ANO1: variants seen among roughly 807,000 people sequenced by gnomAD.
The protein encoded by ANO1 is anoctamin-1.
ANO1 carries 59 observed loss-of-function variants against 124.0 expected under a neutral mutation model. The ratio of observed to expected loss-of-function variants is 0.48; its 90% CI spans 0.39 to 0.59. The LOEUF is 0.59. Ranked by LOEUF, ANO1 falls within the 20% of genes least tolerant of loss-of-function variation. ANO1 has a pLI of 0.00. For missense variants in ANO1, 1,059 were observed against 1,328.0 expected, an observed-to-expected ratio of 0.80 and a Z score of 3.15; for synonymous variants, 529 against 532.0, an observed-to-expected ratio of 0.99 and a Z score of 0.08.
At chr11:70,157,112 A>T in intron 16 of ANO1, 91 bp downstream of exon 16, 1 of 1,218,792 alleles carries the variant, frequency 8.2e-7, no homozygotes, top group Non-Finnish European at 1.2e-6. Context: ...CACGACTGTA[A>T]TCCCAGCACT....
chr11:70,042,217 T>C (rs782461235), intron 1 of ANO1, among the ~76,000 whole-genome samples: 2 of 152,126 alleles, frequency 1.3e-5, no homozygotes, highest in Non-Finnish European at 2.9e-5. Context: ...TAGGAAGCAG[T>C]GGCTTTGAAA....
At position 70,157,205 on chromosome 11, in the gene ANO1, T is replaced by TA. The variant is rs1188727302; in HGVS notation, c.1578+189dup. 2.0e-5 allele frequency among the ~76,000 whole-genome samples: 3 copies of TA among 151,784 alleles called. No individual in the cohort carries two copies. In the East Asian group the frequency reaches 5.8e-4, roughly 29 times the overall value. On this transcript the variant is annotated intron_variant, in intron 16 of 25. Transcript: ENST00000355303. ...AATATGGTGAAACCCCGTCTCTTAC[T>TA]AAAAATGCAAAAATTAGCTGGTGTG...
At chr11:70,089,070 C>T (rs2044515924) in intron 2 of ANO1, among the ~76,000 whole-genome samples, 1 of 152,318 alleles carries the variant, frequency 6.6e-6, no homozygotes, top group East Asian at 1.9e-4. Context: ...CTGCTGGCTG[C>T]TGTGTGCTCT....
At position 70,104,006 on chromosome 11, in the gene ANO1, A is replaced by G. The variant is rs1014508321; in HGVS notation, c.548A>G (p.His183Arg). Residue 183 changes from histidine to arginine, a missense_variant, in exon 4 of 26, where the codon CAC becomes CGC. His to Arg is a conservative substitution (Grantham distance 29). This residue lies in a region of ANO1 where 809 missense variants were observed against 1,094.9 expected (regional missense o/e 0.74). Coordinates refer to ENST00000355303, the MANE Select transcript of ANO1 (RefSeq NM_018043.7). ...KLKMPTKKMY[H>R]INETRGLLKK... ...CCCTTGTCTTATCTGCAGATGTACC[A>G]CATTAATGAGACCCGTGGCCTCCTG... 6.2e-7 allele frequency: 1 copy of G among 1,611,950 alleles called. No homozygotes were observed. Among genetic ancestry groups the G allele is most frequent in the Non-Finnish European group, 8.5e-7 (1 of 1,179,144 alleles).
At chr11:70,051,320 A>AGAGTAT (rs1477935012) in intron 1 of ANO1, among the ~76,000 whole-genome samples, 5 of 152,190 alleles carry the variant, frequency 3.3e-5, no homozygotes, top group Admixed American at 6.5e-5. Context: ...TTGTTGTTCT[A>AGAGTAT]GAGTATTCTG....
intron 20 of ANO1, among the ~76,000 whole-genome samples, chr11:70,166,715 C>T (rs750266108): frequency 7.2e-4 from 110 of 152,186 alleles, no homozygotes; most frequent in Non-Finnish European, 1.4e-3. Flanking sequence ...GTTTGCCCTC[C>T]CTGCACCTCC....
At chr11:70,052,539 T>C in intron 1 of ANO1, among the ~76,000 whole-genome samples, 2 of 63,686 alleles carry the variant, frequency 3.1e-5, no homozygotes, top group African/African-American at 1.4e-4. Context: ...TTCTTTTTTT[T>C]TTTTTTTTTT....
intron 22 of ANO1, among the ~76,000 whole-genome samples, chr11:70,178,990 G>A (rs373456989): frequency 7.9e-5 from 12 of 152,218 alleles, no homozygotes; most frequent in African/African-American, 2.4e-4. Context: ...TTTCTAGCTC[G>A]GGGCCACACA....
intron 1 of ANO1, among the ~76,000 whole-genome samples, chr11:70,014,178 A>G (rs1160160665): frequency 1.3e-5 from 2 of 151,858 alleles, no homozygotes. Flanking sequence ...GGGGGGAAGC[A>G]CAATTCACTC....
intron 24 of ANO1, among the ~76,000 whole-genome samples, chr11:70,183,513 T>C (rs1193656706): frequency 6.6e-6 from 1 of 151,786 alleles, no homozygotes; most frequent in African/African-American, 2.4e-5. Flanking sequence ...TCACAGAGAA[T>C]GGGGGGGTCC....
chr11:70,134,039 G>A (rs978782458), intron 11 of ANO1, among the ~76,000 whole-genome samples: 6 of 152,158 alleles, frequency 3.9e-5, no homozygotes, highest in African/African-American at 1.4e-4. Context: ...CTTTGTGGAC[G>A]GCCACCTCCC....
At chr11:69,968,597 G>A in the ANO1 span, among the ~76,000 whole-genome samples, 1 of 152,210 alleles carries the variant, frequency 6.6e-6, no homozygotes, top group Non-Finnish European at 1.5e-5. Flanking sequence ...ATTGTTCGAG[G>A]ACCCGTTTCT....
chr11:70,155,648 C>T (rs547601631), intron 14 of ANO1, among the ~76,000 whole-genome samples: 8 of 152,232 alleles, frequency 5.3e-5, no homozygotes, highest in Admixed American at 4.6e-4. Flanking sequence ...TGGGGCATGA[C>T]GCGGTCCAGT....
rs1565193330 is a variant in ANO1, at chr11:70,095,303, A to AAGGAAGGAAGGAAGGAAG, written c.441+7219_441+7220insAGGAAGGAAGGAAGGAAG. Among the ~76,000 whole-genome samples the AAGGAAGGAAGGAAGGAAG allele has an allele frequency of 1.9e-4, 7 of 36,766 alleles. 1 individual carries two copies. The highest frequency in any genetic ancestry group is 8.9e-4 in the South Asian group (1 of 1,122). The allele number at this position is 36,766 out of a possible 152,430, so 24.1% of individuals were successfully genotyped here. On this transcript the variant is annotated intron_variant, in intron 2 of 25. Transcript: ENST00000355303. ...AGGAAGGAAGGAAGGAAGGAAGGAA[A>AAGGAAGGAAGGAAGGAAG]GAAAGAAAGAAAGAAAGGAAAGAAA...
chr11:70,100,078 C>G (rs1206622823), intron 2 of ANO1, among the ~76,000 whole-genome samples: 1 of 152,188 alleles, frequency 6.6e-6, no homozygotes, highest in East Asian at 1.9e-4. Context: ...CGCACATTCT[C>G]CAGTCACCGT....
intron 1 of ANO1, among the ~76,000 whole-genome samples, chr11:70,084,032 G>A (rs758547318): frequency 1.3e-5 from 2 of 152,170 alleles, no homozygotes; most frequent in Non-Finnish European, 2.9e-5. Context: ...GGGACACAGT[G>A]TCTGCAAAGG....
At chr11:70,161,807 TG>T in intron 18 of ANO1, 74 bp downstream of exon 18, 1 of 1,443,604 alleles carries the variant, frequency 6.9e-7, no homozygotes, top group Non-Finnish European at 9.7e-7. Flanking sequence ...CCCCACAGGT[TG>T]GGGGCACCTG....
chr11:70,106,979 A>G (rs541089827), intron 5 of ANO1, among the ~76,000 whole-genome samples: 1 of 152,258 alleles, frequency 6.6e-6, no homozygotes, highest in East Asian at 1.9e-4. Flanking sequence ...ATGTGGTGAG[A>G]TCCGTTCCAG....
chr11:70,027,235 G>C (rs1230760274), intron 1 of ANO1, among the ~76,000 whole-genome samples: 1 of 152,130 alleles, frequency 6.6e-6, no homozygotes, highest in Non-Finnish European at 1.5e-5. Context: ...AAAATGCATT[G>C]AGTATGCCTA....
Sources: gnomAD v4.1 joint callset for allele counts (sites outside exome capture counted in the v4.1 genomes callset) on GRCh38, gnomAD v4.1.1 for gene constraint, gnomAD v4.1.1 regional missense constraint, MANE v1.5 for transcripts, NCBI Gene and HGNC (gene_info 2026-07-23, HGNC 2026-07-21) for gene names.